The following TRIM47 variants were observed in gnomAD, a reference collection of about 807,000 sequenced individuals.
The protein encoded by TRIM47 is E3 ubiquitin-protein ligase TRIM47.
Under a neutral mutation model 54.4 loss-of-function variants are expected in TRIM47, and 46 were observed. The ratio of observed to expected loss-of-function variants is 0.84; its 90% CI spans 0.67 to 1.08. The LOEUF (loss-of-function observed/expected upper bound fraction) is 1.08, where lower values mean the gene tolerates loss of function less well. TRIM47 is among the 50% of genes least tolerant of loss of function. The probability of loss-of-function intolerance (pLI) is 0.00; values close to 1 mark genes in which losing one functional copy is unlikely to be tolerated. For missense variants in TRIM47, 825 were observed against 910.1 expected, an observed-to-expected ratio of 0.91 and a Z score of 1.20; for synonymous variants, 392 against 410.2, an observed-to-expected ratio of 0.96 and a Z score of 0.54.
Position 75,875,539 on chromosome 17 carries a change from A to G in TRIM47, c.1202-65T>C. ...GCCCCCCTCTGAACCTGTGACTACA[A>G]TCCCTACCCCCTTCACTTCCTCCCA... On this transcript the variant is annotated intron_variant, in intron 4 of 5. Coordinates refer to ENST00000254816, the MANE Select transcript of TRIM47 (RefSeq NM_033452.3). This position sits in a 1 kb window ranked among gnomAD's most constrained non-coding sequence, Gnocchi z 6.1. 7.1e-7 allele frequency: 1 copy of G among 1,411,546 alleles called. No homozygotes were observed. Among genetic ancestry groups the G allele is most frequent in the Non-Finnish European group, 1.0e-6 (1 of 1,000,430 alleles). The allele number at this position is 1,411,546 out of a possible 1,614,324, so 87.4% of individuals were successfully genotyped here.
At position 75,874,479 on chromosome 17, in the gene TRIM47, G is replaced by C. The variant is rs201803764; in HGVS notation, c.*4C>G. ...GACGGCAGCAGGAGCGCCCGTGCCC[G>C]GCATCACCTCCTCTTCAGCACGGAT... is the stretch of plus-strand genomic sequence containing the variant. On this transcript the variant is annotated 3_prime_UTR_variant, in exon 6 of 6. Coordinates refer to ENST00000254816, the MANE Select transcript of TRIM47 (RefSeq NM_033452.3). This position sits in a 1 kb window ranked among gnomAD's most constrained non-coding sequence, Gnocchi z 6.2. 6.7e-7 allele frequency: 1 copy of C among 1,491,332 alleles called. No homozygotes were observed. The highest frequency in any genetic ancestry group is 8.9e-7 in the Non-Finnish European group (1 of 1,120,450). The allele number at this position is 1,491,332 out of a possible 1,614,324, so 92.4% of individuals were successfully genotyped here.
chr17:75,876,887 C>CA, intron 1 of TRIM47, 74 bp from the exon 2 acceptor site: 2 of 1,471,650 alleles, frequency 1.4e-6, no homozygotes, highest in Non-Finnish European at 9.3e-7. Context: ...CAGGCCTTGC[C>CA]AGGGGAGAGA....
In TRIM47 at chr17:75,875,441, T is replaced by C; in HGVS notation, c.1235A>G (p.Asn412Ser). 6.2e-7 allele frequency: 1 copy of C among 1,613,912 alleles called. No individual in the cohort carries two copies. ...DAEPQDLEST[N>S]LLESEAPRDY... ...CCTGGGAGCTTCACTCTCCAAGAGGTTCGTACTCTCGAGGTCTTGGGGCTC... is the reference window on the plus strand; with the variant it reads ...CCTGGGAGCTTCACTCTCCAAGAGGCTCGTACTCTCGAGGTCTTGGGGCTC... The change falls in exon 5 of 6, where the codon AAC (asparagine) becomes AGC (serine). Residue 412 changes from asparagine to serine, a missense_variant. Transcript: ENST00000254816. This position sits in a 1 kb window ranked among gnomAD's most constrained non-coding sequence, Gnocchi z 6.1.
In TRIM47 at chr17:75,875,514, GC is replaced by G. The variant is rs1183932323; in HGVS notation, c.1202-41del. 1.9e-6 allele frequency: 3 copies of G among 1,567,046 alleles called. No homozygotes were observed. The highest frequency in any genetic ancestry group is 1.4e-5 in the African/African-American group (1 of 73,852). On this transcript the variant is annotated intron_variant, in intron 4 of 5. Coordinates refer to ENST00000254816, the MANE Select transcript of TRIM47 (RefSeq NM_033452.3). The surrounding 1 kb of genome is among the most constrained non-coding windows in gnomAD (Gnocchi z 6.1). The stretch of plus-strand genomic sequence containing the variant: ...ACAGTGGTGAGAACGCCCCCAGACT[GC>G]CCCCCTCTGAACCTGTGACTACAAT...
At position 75,874,870 on chromosome 17, in the gene TRIM47, G is replaced by A. The variant is rs769113688; in HGVS notation, c.1530C>T (p.Arg510=). 4.3e-6 allele frequency: 7 copies of A among 1,614,140 alleles called. No individual in the cohort carries two copies. Among genetic ancestry groups the A allele is most frequent in the East Asian group, 2.2e-5 (1 of 44,860 alleles). Residue 510 remains arginine, a synonymous_variant, in exon 6 of 6, where the codon CGC becomes CGT. Transcript: ENST00000254816. The surrounding 1 kb of genome is among the most constrained non-coding windows in gnomAD (Gnocchi z 6.2). ...EDFSPQEPYD[R]GRLGRNAHSC... ...AGTGGGCGTTGCGGCCCAGCCGGCC[G>A]CGGTCGTAGGGCTCTTGTGGGGAGA... is the stretch of plus-strand genomic sequence containing the variant.
At position 75,878,214 on chromosome 17, in the gene TRIM47, G is replaced by C. The variant is rs2065147766; in HGVS notation, c.335C>G (p.Ser112Trp). Residue 112 changes from serine to tryptophan, a missense_variant, in exon 1 of 6, where the codon TCG becomes TGG. By Grantham distance (177) the Ser-to-Trp change is radical. Transcript: ENST00000254816. ...CCACGGCTCGGGAGCGCAGGGGGCC[G>C]ACGGCTCCGGGACACTGGGCAGCGC... Reference protein sequence around the residue: ...PSALPSVPEPSAPCAPEPWPA... With the variant: ...PSALPSVPEPWAPCAPEPWPA... The C allele has an allele frequency of 8.1e-7, 1 of 1,228,582 alleles. No homozygotes were observed. 76.1% of individuals were successfully genotyped at this position (1,228,582 alleles called of 1,614,324 possible).
At position 75,876,238 on chromosome 17, in the gene TRIM47, C is replaced by T. The variant is rs115338469; in HGVS notation, c.1002+24G>A. On this transcript the variant is annotated intron_variant, in intron 3 of 5. Transcript: ENST00000254816. ...CACCTGTCCCAGCTTCTGTTCCTTC[C>T]GTGGCCCCCAGAGCGGCCTTCACCT... 1,052 of 1,589,086 alleles carry T rather than the reference C, an allele frequency of 6.6e-4. 4 individuals carry two copies. In the African/African-American group the frequency reaches 0.011, roughly 17 times the overall value.
rs1174275524 is a variant in TRIM47, at chr17:75,874,469, G to A, written c.*14C>T. ...CTGGAGCAGAGACGGCAGCAGGAGCGCCCGTGCCCGGCATCACCTCCTCTT... is the reference window on the plus strand; with the variant it reads ...CTGGAGCAGAGACGGCAGCAGGAGCACCCGTGCCCGGCATCACCTCCTCTT... On this transcript the variant is annotated 3_prime_UTR_variant, in exon 6 of 6. Coordinates refer to ENST00000254816, the MANE Select transcript of TRIM47 (RefSeq NM_033452.3). This position sits in a 1 kb window ranked among gnomAD's most constrained non-coding sequence, Gnocchi z 6.2. 1.1e-5 allele frequency: 17 copies of A among 1,487,474 alleles called. No homozygotes were observed. In the East Asian group the frequency reaches 2.6e-4, roughly 23 times the overall value. The allele number at this position is 1,487,474 out of a possible 1,614,324, so 92.1% of individuals were successfully genotyped here.
rs1462396328 is a variant in TRIM47, at chr17:75,878,410, C to T, written c.139G>A (p.Gly47Arg). 16 of 1,428,070 alleles carry T rather than the reference C, an allele frequency of 1.1e-5. No homozygotes were observed. Among genetic ancestry groups the T allele is most frequent in the Admixed American group, 7.5e-5 (3 of 40,050 alleles). The allele number at this position is 1,428,070 out of a possible 1,614,324, so 88.5% of individuals were successfully genotyped here. A position where few individuals can be genotyped will look rare whatever the true frequency, so the allele number is the denominator to read the frequency against. ...WPHRGASGAG[G>R]PGGAARCPLC... Reference sequence around the variant, plus strand: ...GGGCAGCGGGCCGCGCCTCCGGGTCCGCCGGCTCCACTCGCGCCACGATGC... The same window carrying T: ...GGGCAGCGGGCCGCGCCTCCGGGTCTGCCGGCTCCACTCGCGCCACGATGC... Residue 47 changes from glycine (G) to arginine (R), a missense_variant, in exon 1 of 6, where the codon GGA (glycine) becomes AGA (arginine). Gly to Arg is a moderately radical substitution (Grantham distance 125). Coordinates refer to ENST00000254816, the MANE Select transcript of TRIM47 (RefSeq NM_033452.3).
chr17:75,875,100 T>C lies in TRIM47; in HGVS notation c.1300A>G (p.Ser434Gly). Residue 434 changes from serine to glycine, a missense_variant, in exon 6 of 6, where the codon AGC (serine) becomes GGC (glycine). Transcript: ENST00000254816. The surrounding 1 kb of genome is among the most constrained non-coding windows in gnomAD (Gnocchi z 6.1). ...TGCAGGAACTTGTCTGCTGTGTCGC[T>C]GTCCAAATCCACAATATAGGCAACT... ...LKFAYIVDLDSDTADKFLQLF... is the reference protein window; with the variant it reads ...LKFAYIVDLDGDTADKFLQLF... 6.2e-7 allele frequency: 1 copy of C among 1,602,548 alleles called. No homozygotes were observed. The highest frequency in any genetic ancestry group is 8.5e-7 in the Non-Finnish European group (1 of 1,171,766).
rs1230914005 is a variant in TRIM47 at position 75,877,951 on chromosome 17, GAC to G, written c.596_597del (p.Cys199SerfsTer28). 2.7e-6 allele frequency: 4 copies of G among 1,456,788 alleles called. No individual in the cohort carries two copies. Among genetic ancestry groups the G allele is most frequent in the African/African-American group, 1.5e-5 (1 of 67,958 alleles). 90.2% of individuals were successfully genotyped at this position (1,456,788 alleles called of 1,614,324 possible). A position where few individuals can be genotyped will look rare whatever the true frequency, so the allele number is the denominator to read the frequency against. ...LERYCRAERV[C>X]LCEACAAQEH... Reference sequence around the variant, plus strand: ...TCCTGTGCGGCGCAGGCCTCGCACAGACACACGCGCTCCGCGCGGCAGTAGCG... The same window carrying G: ...TCCTGTGCGGCGCAGGCCTCGCACAGACACGCGCTCCGCGCGGCAGTAGCG... On this transcript the variant is annotated frameshift_variant, in exon 1 of 6. Transcript: ENST00000254816. LOFTEE classifies it high-confidence loss of function.
rs2065148211 is a variant in TRIM47, at chr17:75,878,276, C to CGGGCAG, written c.272_273insCTGCCC (p.Pro91_Ala92insCysPro). ...AGGGCTCCGGGGCCAGGGCAGGGGCCGGGCCGGGGCCGGACCCGGGGCCCG... is the reference window on the plus strand; with the variant it reads ...AGGGCTCCGGGGCCAGGGCAGGGGCCGGGCAGGGGCCGGGGCCGGACCCGGGGCCCG... On this transcript the variant is annotated inframe_insertion, in exon 1 of 6. Transcript: ENST00000254816. The CGGGCAG allele has an allele frequency of 7.9e-7, 1 of 1,257,868 alleles. No individual in the cohort carries two copies. The highest frequency in any genetic ancestry group is 1.6e-5 in the African/African-American group (1 of 64,156). The allele number at this position is 1,257,868 out of a possible 1,614,324, so 77.9% of individuals were successfully genotyped here.
chr17:75,877,556 G>T, intron 1 of TRIM47: 1 of 677,706 alleles, frequency 1.5e-6, no homozygotes, highest in Non-Finnish European at 2.0e-6. Context: ...GGCGGGAGCA[G>T]CAGCCACGCT....
At chr17:75,876,593 G>A (rs558208710) in intron 2 of TRIM47, 101 bp from the exon 3 acceptor site, 5 of 1,503,382 alleles carry the variant, frequency 3.3e-6, no homozygotes, top group Admixed American at 4.0e-5. Flanking sequence ...CCCTCTTGAG[G>A]GGACAGAGGG....
In TRIM47 at chr17:75,877,726, C is replaced by G. The variant is rs893585747; in HGVS notation, c.675+148G>C. 1.5e-5 allele frequency: 18 copies of G among 1,238,080 alleles called. No homozygotes were observed. In the Middle Eastern group the frequency reaches 9.3e-4, roughly 64 times the overall value. 76.7% of individuals were successfully genotyped at this position (1,238,080 alleles called of 1,614,324 possible). On this transcript the variant is annotated intron_variant, in intron 1 of 5. Coordinates refer to ENST00000254816, the MANE Select transcript of TRIM47 (RefSeq NM_033452.3). ...CATCACCGCCAGCAGATGACCTTGT[C>G]AAGGCTGGAAGGGACCGCAAAGATC...
Position 75,874,512 on chromosome 17 carries a change from A to G in TRIM47, c.1888T>C (p.Ser630Pro). ...AHLQIGPLKK[S>P]CISVLKRR ...CTCCTCTTCAGCACGGATATGCAGG[A>G]CTTCTTGAGGGGCCCGATCTGCAAG... Residue 630 changes from serine to proline, a missense_variant, in exon 6 of 6, where the codon TCC becomes CCC. Transcript: ENST00000254816. This position sits in a 1 kb window ranked among gnomAD's most constrained non-coding sequence, Gnocchi z 6.2. 6.6e-7 allele frequency: 1 copy of G among 1,510,530 alleles called. No individual in the cohort carries two copies. Among genetic ancestry groups the G allele is most frequent in the Non-Finnish European group, 8.9e-7 (1 of 1,129,388 alleles). 93.6% of individuals were successfully genotyped at this position (1,510,530 alleles called of 1,614,324 possible).
In TRIM47 at chr17:75,875,979, C is replaced by T. The variant is rs367558209; in HGVS notation, c.1123G>A (p.Val375Met). ...AVRAVRDMLAVACVNQWEQLR... is the reference protein window; with the variant it reads ...AVRAVRDMLAMACVNQWEQLR... The stretch of plus-strand genomic sequence containing the variant: ...TGCTCCCACTGGTTGACGCAGGCCA[C>T]GGCCAGCATGTCTCTCACTGCACGG... Residue 375 changes from valine to methionine, a missense_variant, in exon 4 of 6, where the codon GTG becomes ATG. By Grantham distance (21) the Val-to-Met change is conservative. Transcript: ENST00000254816. The surrounding 1 kb of genome is among the most constrained non-coding windows in gnomAD (Gnocchi z 6.1). 1.2e-5 allele frequency: 20 copies of T among 1,608,368 alleles called. No individual in the cohort carries two copies. The highest frequency in any genetic ancestry group is 2.7e-5 in the African/African-American group (2 of 74,934).
Position 75,876,701 on chromosome 17 carries a change from A to C in TRIM47, c.771+17T>G, listed in dbSNP as rs369636793. The C allele has an allele frequency of 9.5e-5, 153 of 1,613,496 alleles. No homozygotes were observed. Among genetic ancestry groups the C allele is most frequent in the Non-Finnish European group, 1.2e-4 (146 of 1,179,612 alleles). On this transcript the variant is annotated intron_variant, in intron 2 of 5. Coordinates refer to ENST00000254816, the MANE Select transcript of TRIM47 (RefSeq NM_033452.3). ...GTTTGGAGTGGATTGTTCCATGCTG[A>C]GGGAGGGGTGTTTGACCTTGATGAG...
intron 2 of TRIM47, 43 bp downstream of exon 2, chr17:75,876,675 T>G (rs757490278): frequency 6.2e-7 from 1 of 1,606,554 alleles, no homozygotes; most frequent in Non-Finnish European, 8.5e-7. Flanking sequence ...GGGCATGGTT[T>G]GTTTGGAGTG....
Sources: gnomAD v4.1 joint callset for allele counts on GRCh38, gnomAD v4.1.1 for gene constraint, Gnocchi (gnomAD v3.1) non-coding constraint, MANE v1.5 for transcripts, NCBI Gene and HGNC (gene_info 2026-07-23, HGNC 2026-07-21) for gene names.